Variants in ENTPD5 observed in about 807,000 individuals in gnomAD.
ENTPD5 encodes nucleoside diphosphate phosphatase ENTPD5.
ENTPD5 carries 49 observed loss-of-function variants against 60.2 expected under a neutral mutation model. The observed-to-expected ratio is 0.81, with a 90% confidence interval of 0.65 to 1.03. The LOEUF (loss-of-function observed/expected upper bound fraction) is 1.03, where lower values mean the gene tolerates loss of function less well. Ranked by LOEUF, ENTPD5 falls within the 50% of genes least tolerant of loss-of-function variation. ENTPD5 has a pLI of 0.00. For synonymous variants in ENTPD5, 187 were observed against 185.4 expected (o/e 1.01, Z -0.07); for missense variants, 480 against 507.6 (o/e 0.95, Z 0.52).
chr14:74,006,756 C>G (rs1288561945), intron 3 of ENTPD5, among the ~76,000 whole-genome samples: 1 of 131,572 alleles, frequency 7.6e-6, no homozygotes, highest in Non-Finnish European at 1.8e-5. Flanking sequence ...AGTGAATTTT[C>G]AAATTTTTTA....
intron 6 of ENTPD5, among the ~76,000 whole-genome samples, chr14:73,981,751 G>A (rs1455501514): frequency 6.6e-6 from 1 of 150,790 alleles, no homozygotes; most frequent in Non-Finnish European, 1.5e-5. Flanking sequence ...AGGTTGCAGT[G>A]AGCCAAGATC....
chr14:73,956,279 GATC>G, downstream of ENTPD5: 1 of 285,014 alleles, frequency 3.5e-6, no homozygotes. Context: ...AGTGAGCCGA[GATC>G]ACGCCACTGC....
intron 3 of ENTPD5, among the ~76,000 whole-genome samples, chr14:74,005,631 A>C (rs920815671): frequency 6.6e-6 from 1 of 151,770 alleles, no homozygotes; most frequent in Non-Finnish European, 1.5e-5. Flanking sequence ...AACATGGTGA[A>C]TCCCCATCTC....
chr14:73,967,635 C>T (rs963862659), intron 15 of ENTPD5, among the ~76,000 whole-genome samples: 2 of 151,532 alleles, frequency 1.3e-5, no homozygotes, highest in African/African-American at 2.4e-5. Context: ...GGCAAAACCC[C>T]GTCTCTACAA....
At chr14:73,985,177 T>C (rs1242700207) in intron 5 of ENTPD5, among the ~76,000 whole-genome samples, 1 of 152,220 alleles carries the variant, frequency 6.6e-6, no homozygotes, top group Admixed American at 6.5e-5. Flanking sequence ...GTCTTTGATA[T>C]TGTGAATGAT....
chr14:73,992,619 G>C (rs2140695304), intron 3 of ENTPD5, among the ~76,000 whole-genome samples: 1 of 151,744 alleles, frequency 6.6e-6, no homozygotes, highest in Non-Finnish European at 1.5e-5. Flanking sequence ...GGGAGGCAAA[G>C]GCTGCAGCAA....
At chr14:73,983,623 C>CAAAA (rs368194848) in intron 5 of ENTPD5, among the ~76,000 whole-genome samples, 3 of 104,452 alleles carry the variant, frequency 2.9e-5, no homozygotes, top group Non-Finnish European at 6.2e-5. Flanking sequence ...CACTCCATCT[C>CAAAA]AAAAAAAAAA....
chr14:73,975,935 C>T lies in ENTPD5; in HGVS notation c.722+1G>A, dbSNP rs1347277487. ...TTCTTCTTCCCTGTCCCCGTCCTCA[C>T]CTATGTGTATAGAGCTTATAAGTGC... On this transcript the variant is annotated splice_donor_variant, in intron 10 of 15. Transcript: ENST00000334696. LOFTEE classifies it high-confidence loss of function. 1 of 1,604,214 alleles carries T rather than the reference C, an allele frequency of 6.2e-7. No homozygotes were observed. Among genetic ancestry groups the T allele is most frequent in the Non-Finnish European group, 8.5e-7 (1 of 1,172,206 alleles).
chr14:73,968,776 A>G (rs1736107968), intron 15 of ENTPD5, among the ~76,000 whole-genome samples: 1 of 152,162 alleles, frequency 6.6e-6, no homozygotes, highest in Non-Finnish European at 1.5e-5. Flanking sequence ...TGCTACCACC[A>G]CCAAAAAAGT....
chr14:73,991,119 C>T (rs1273552882), intron 3 of ENTPD5, among the ~76,000 whole-genome samples: 1 of 152,130 alleles, frequency 6.6e-6, no homozygotes, highest in African/African-American at 2.4e-5. Flanking sequence ...CAACTTTTTT[C>T]CCCCTCTTTT....
rs535985152 is a variant in ENTPD5 at position 73,977,217 on chromosome 14, T to C, written c.517+82A>G. 2.3e-5 allele frequency: 30 copies of C among 1,307,506 alleles called. No individual in the cohort carries two copies. The South Asian group carries it at 3.5e-4, about 15-fold the overall frequency. The allele number at this position is 1,307,506 out of a possible 1,614,324, so 81.0% of individuals were successfully genotyped here. A position where few individuals can be genotyped will look rare whatever the true frequency, so the allele number is the denominator to read the frequency against. On this transcript the variant is annotated intron_variant, in intron 7 of 15. Coordinates refer to ENST00000334696, the MANE Select transcript of ENTPD5 (RefSeq NM_001249.5). Reference sequence around the variant, plus strand: ...CCTGCTATCTCATTCCTTCTGTTTATTCCTGGCCCCAGTTCCTTTAGTTAG... The same window carrying C: ...CCTGCTATCTCATTCCTTCTGTTTACTCCTGGCCCCAGTTCCTTTAGTTAG...
At chr14:74,001,745 G>T (rs2058519156) in intron 3 of ENTPD5, among the ~76,000 whole-genome samples, 1 of 148,222 alleles carries the variant, frequency 6.7e-6, no homozygotes, top group South Asian at 2.1e-4. Context: ...CTATTCAGGA[G>T]GCTGAGGTAT....
intron 2 of ENTPD5, among the ~76,000 whole-genome samples, chr14:74,014,996 T>C (rs1247324043): frequency 1.3e-5 from 2 of 151,244 alleles, no homozygotes; most frequent in Non-Finnish European, 2.9e-5. Context: ...GCAGGAGAAT[T>C]GCTTGAACCT....
At chr14:74,002,447 T>G (rs1018382348) in intron 3 of ENTPD5, among the ~76,000 whole-genome samples, 1 of 151,750 alleles carries the variant, frequency 6.6e-6, no homozygotes, top group Non-Finnish European at 1.5e-5. Context: ...TATTTATTTA[T>G]GTAGAGATGG....
At chr14:74,010,283 A>G (rs990451059) in intron 3 of ENTPD5, among the ~76,000 whole-genome samples, 1 of 150,420 alleles carries the variant, frequency 6.6e-6, no homozygotes, top group Non-Finnish European at 1.5e-5. Flanking sequence ...GGCCAGGCGC[A>G]GTGGCTCACG....
intron 6 of ENTPD5, among the ~76,000 whole-genome samples, chr14:73,981,227 G>C (rs2057675143): frequency 6.6e-6 from 1 of 152,030 alleles, no homozygotes; most frequent in Admixed American, 6.6e-5. Flanking sequence ...AGGGCCGGGT[G>C]CAGTGGCTCA....
chr14:73,982,571 G>A (rs1490145563), intron 6 of ENTPD5, among the ~76,000 whole-genome samples: 1 of 151,478 alleles, frequency 6.6e-6, no homozygotes, highest in Non-Finnish European at 1.5e-5. Context: ...CCTGGCTAAC[G>A]CAGTGAAACC....
At chr14:73,955,912 G>A (rs776088045), downstream of ENTPD5, 20 of 1,614,032 alleles carry the variant, frequency 1.2e-5, no homozygotes, top group Non-Finnish European at 1.5e-5. Flanking sequence ...TCACTAAGCA[G>A]TTGGAGGCTG....
intron 6 of ENTPD5, 128 bp downstream of exon 6, chr14:73,982,890 G>T: frequency 1.1e-6 from 1 of 892,866 alleles, no homozygotes; most frequent in East Asian, 2.4e-5. Flanking sequence ...AGTGGTCAGA[G>T]TCATCACAAT....
Sources: gnomAD v4.1 joint callset for allele counts (sites outside exome capture counted in the v4.1 genomes callset) on GRCh38, gnomAD v4.1.1 for gene constraint, MANE v1.5 for transcripts, NCBI Gene and HGNC (gene_info 2026-07-23, HGNC 2026-07-21) for gene names.